The following TMC6 variants were observed in gnomAD, a reference collection of about 807,000 sequenced individuals.
TMC6 encodes the protein transmembrane channel like 6, also known as transmembrane channel-like protein 6.
A neutral mutation model predicts 95.4 loss-of-function variants in TMC6; 71 were observed. The observed-to-expected ratio is 0.74, with a 90% CI of 0.61 to 0.91. TMC6 has a LOEUF of 0.91. TMC6 is among the 40% of genes least tolerant of loss of function. The pLI is 0.00. For synonymous variants in TMC6, 514 were observed against 483.1 expected (o/e 1.06, Z -0.84); for missense variants, 1,074 against 1,079.1 (o/e 1.00, Z 0.07).
chr17:78,109,266 G>A lies in TMC6; in HGVS notation c.*3882C>T, dbSNP rs1271612946. 1.4e-5 allele frequency: 5 copies of A among 356,036 alleles called. No individual in the cohort carries two copies. Among genetic ancestry groups the A allele is most frequent in the East Asian group, 7.6e-5 (1 of 13,228 alleles). 22.1% of individuals were successfully genotyped at this position (356,036 alleles called of 1,614,324 possible). On this transcript the variant is annotated 3_prime_UTR_variant, in exon 20 of 20. Transcript: ENST00000590602. The stretch of plus-strand genomic sequence containing the variant: ...ACACAGAGGCATCATGGCGAGCCCC[G>A]ACTGAGTGTTCAGTGAAGAGGGAAA...
At position 78,121,592 on chromosome 17, in the gene TMC6, G is replaced by A. The variant is rs142253928; in HGVS notation, c.1347C>T (p.Ala449=). The A allele has an allele frequency of 3.7e-4, 590 of 1,611,438 alleles. 1 individual carries two copies. Among genetic ancestry groups the A allele is most frequent in the Non-Finnish European group, 4.6e-4 (546 of 1,179,670 alleles). ...ACTCCGAGAAGACGTGGACGGCCAC[G>A]GCGCAGCCCAGCGCGGTCCCCAGAC... ...LLCLGTALGC[A]VAVHVFSEFM... is the part of the protein sequence containing the mutation. Residue 449 remains alanine, a synonymous_variant, in exon 11 of 20, where the codon GCC becomes GCT. Transcript: ENST00000590602. This position sits in a 1 kb window ranked among gnomAD's most constrained non-coding sequence, Gnocchi z 5.6.
intron 18 of TMC6, 94 bp downstream of exon 18, chr17:78,117,175 G>A: frequency 7.4e-7 from 1 of 1,354,612 alleles, no homozygotes; most frequent in Non-Finnish European, 1.1e-6. Flanking sequence ...ACCAGCCAAG[G>A]CCCACAGGAG....
chr17:78,124,184 C>T lies in TMC6; in HGVS notation c.892-5G>A. The stretch of plus-strand genomic sequence containing the variant: ...GACGGTGTGGGTGAAGCAACCCTGC[C>T]ACAGGGAGATCCAGCCGAGTCAGGG... On this transcript the variant is annotated splice_region_variant and splice_polypyrimidine_tract_variant and intron_variant, in intron 8 of 19. Coordinates refer to ENST00000590602, the MANE Select transcript of TMC6 (RefSeq NM_001127198.5). 6.2e-7 allele frequency: 1 copy of T among 1,611,118 alleles called. No individual in the cohort carries two copies. Among genetic ancestry groups the T allele is most frequent in the Non-Finnish European group, 8.5e-7 (1 of 1,179,666 alleles).
At chr17:78,119,899 C>A in intron 13 of TMC6, 1 of 330,496 alleles carries the variant, frequency 3.0e-6, no homozygotes. Context: ...CCTCCCACCT[C>A]AGCCTCCCAA....
At position 78,124,530 on chromosome 17, in the gene TMC6, T is replaced by G; in HGVS notation, c.885A>C (p.Thr295=). 6.2e-7 allele frequency: 1 copy of G among 1,610,712 alleles called. No individual in the cohort carries two copies. The highest frequency in any genetic ancestry group is 1.7e-5 in the Admixed American group (1 of 59,976). Residue 295 remains threonine, a synonymous_variant, in exon 8 of 20, where the codon ACA becomes ACC. Coordinates refer to ENST00000590602, the MANE Select transcript of TMC6 (RefSeq NM_001127198.5). ...AGTCCTAGGGCTTCCTCACCGCGCC[T>G]GTGAGGAGCTCCAGGCCTGTGCAGA... is the stretch of plus-strand genomic sequence containing the variant. ...APVCTGLELL[T]GAGCFTHTVM... is the part of the protein sequence containing the mutation.
intron 1 of TMC6, 39 bp from the exon 2 acceptor site, chr17:78,126,945 A>G (rs781067799): frequency 9.4e-6 from 12 of 1,273,614 alleles, no homozygotes; most frequent in Non-Finnish European, 1.3e-5. Context: ...GTGGTCTTCA[A>G]CGCCTGGCAG....
chr17:78,120,902 C>G (rs2074381399), intron 12 of TMC6, 70 bp from the exon 13 acceptor site: 4 of 1,611,306 alleles, frequency 2.5e-6, no homozygotes, highest in East Asian at 4.5e-5. Context: ...AGGGCCCCCA[C>G]CAGGGGCTTG....
intron 15 of TMC6, 104 bp from the exon 16 acceptor site, chr17:78,118,039 G>A: frequency 6.5e-7 from 1 of 1,532,870 alleles, no homozygotes. Context: ...TGTGCGTCCA[G>A]GCAGAGCCTG....
chr17:78,119,158 G>C, intron 14 of TMC6, 112 bp from the exon 15 acceptor site: 2 of 1,494,766 alleles, frequency 1.3e-6, no homozygotes, highest in South Asian at 1.1e-5. Flanking sequence ...CTGAGTCCCC[G>C]GGGTTAGGGT....
chr17:78,131,904 G>A (rs2074994969), upstream of TMC6: 5 of 1,490,704 alleles, frequency 3.4e-6, no homozygotes, highest in Non-Finnish European at 3.6e-6. Context: ...GCCCGCGGGG[G>A]TGCAGACCTT....
upstream of TMC6, chr17:78,131,168 G>T: frequency 3.3e-6 from 1 of 305,560 alleles, no homozygotes; most frequent in South Asian, 2.9e-5. Context: ...CTCTCCTTGG[G>T]GTGACGGTGG....
At chr17:78,120,152 CT>C (rs35789255) in intron 13 of TMC6, 7,925 of 150,790 alleles carry the variant, frequency 0.053, 103 homozygotes, top group East Asian at 0.15. Context: ...ATACACGTTA[CT>C]TTTTTTTTTT....
intron 18 of TMC6, among the ~76,000 whole-genome samples, chr17:78,114,510 GA>G (rs1481624012): frequency 6.6e-6 from 1 of 152,054 alleles, no homozygotes; most frequent in Non-Finnish European, 1.5e-5. Context: ...TTTCGACAAT[GA>G]AATGTGACAA....
Position 78,111,857 on chromosome 17 carries a change from A to G in TMC6, c.*1291T>C. 1 of 207,374 alleles carries G rather than the reference A, an allele frequency of 4.8e-6. No homozygotes were observed. The highest frequency in any genetic ancestry group is 1.0e-5 in the Non-Finnish European group (1 of 99,644). The allele number at this position is 207,374 out of a possible 1,614,324, so 12.8% of individuals were successfully genotyped here. Reference sequence around the variant, plus strand: ...TGCAGGCCTGGAGCCCTGGGCTGTGACAGGCTGGTCCCCACAAGCCTGGAA... The same window carrying G: ...TGCAGGCCTGGAGCCCTGGGCTGTGGCAGGCTGGTCCCCACAAGCCTGGAA... On this transcript the variant is annotated 3_prime_UTR_variant, in exon 20 of 20. Transcript: ENST00000590602.
In TMC6 at chr17:78,112,146, A is replaced by ACAGGC; in HGVS notation, c.*997_*1001dup. On this transcript the variant is annotated 3_prime_UTR_variant, in exon 20 of 20. Coordinates refer to ENST00000590602, the MANE Select transcript of TMC6 (RefSeq NM_001127198.5). ...GGGCTGGTTCCTGCAGGCCTGGAGCACAGGCTGACGGGCTGGTCCCCACAG... is the reference window on the plus strand; with the variant it reads ...GGGCTGGTTCCTGCAGGCCTGGAGCACAGGCCAGGCTGACGGGCTGGTCCCCACAG... The ACAGGC allele has an allele frequency of 5.1e-6, 1 of 196,244 alleles. No homozygotes were observed. The highest frequency in any genetic ancestry group is 4.4e-5 in the South Asian group (1 of 22,640). 12.2% of individuals were successfully genotyped at this position (196,244 alleles called of 1,614,324 possible).
rs961943625 is a variant in TMC6, at chr17:78,122,071, C to G, written c.1228-360G>C. ...GGTGGCCCCCAGTGACCAGAAGCCC[C>G]CCTACACGGAATGGCTCATGACAGG... On this transcript the variant is annotated intron_variant, in intron 10 of 19. Coordinates refer to ENST00000590602, the MANE Select transcript of TMC6 (RefSeq NM_001127198.5). This position sits in a 1 kb window ranked among gnomAD's most constrained non-coding sequence, Gnocchi z 4.9. Among the ~76,000 whole-genome samples the G allele has an allele frequency of 1.3e-5, 2 of 152,116 alleles. No homozygotes were observed. Among genetic ancestry groups the G allele is most frequent in the East Asian group, 3.9e-4 (2 of 5,164 alleles).
In TMC6 at chr17:78,124,823, G is replaced by A. The variant is rs1299947338; in HGVS notation, c.634-42C>T. The stretch of plus-strand genomic sequence containing the variant: ...AGAGGCCCTGAGGGTGAGGCCGGAG[G>A]AGGCACTGAGGCCACCCCAGCCCTG... On this transcript the variant is annotated intron_variant, in intron 7 of 19. Coordinates refer to ENST00000590602, the MANE Select transcript of TMC6 (RefSeq NM_001127198.5). The A allele has an allele frequency of 4.4e-6, 7 of 1,578,014 alleles. No individual in the cohort carries two copies. In the South Asian group the frequency reaches 6.9e-5, roughly 16 times the overall value.
At position 78,117,320 on chromosome 17, in the gene TMC6, C is replaced by T. The variant is rs2074173932; in HGVS notation, c.2226G>A (p.Val742=). ...LLAVIYLNIQ[V]VRGQRKVICL... The stretch of plus-strand genomic sequence containing the variant: ...AGATGACCTTGCGCTGGCCCCGCAC[C>T]ACCTGGATGTTGAGGTAGATCACGG... The change falls in exon 18 of 20, where the codon GTG becomes GTA. Residue 742 remains valine (V), a synonymous_variant. Coordinates refer to ENST00000590602, the MANE Select transcript of TMC6 (RefSeq NM_001127198.5). 1.9e-6 allele frequency: 3 copies of T among 1,613,386 alleles called. No individual in the cohort carries two copies. The highest frequency in any genetic ancestry group is 2.7e-5 in the African/African-American group (2 of 74,908).
chr17:78,116,416 G>C (rs907228125), intron 18 of TMC6, among the ~76,000 whole-genome samples: 1 of 151,796 alleles, frequency 6.6e-6, no homozygotes, highest in Non-Finnish European at 1.5e-5. Context: ...GGGACTACAG[G>C]TGCACACCAC....
Sources: allele counts gnomAD v4.1 joint callset (sites outside exome capture counted in the v4.1 genomes callset), GRCh38; gene constraint gnomAD v4.1.1; non-coding constraint Gnocchi (gnomAD v3.1); transcripts MANE v1.5; gene names NCBI Gene and HGNC (gene_info 2026-07-23, HGNC 2026-07-21).